Variants in TTC28 observed in about 807,000 individuals in gnomAD.
TTC28 encodes the protein tetratricopeptide repeat domain 28.
TTC28 carries 61 observed loss-of-function variants against 198.0 expected under a neutral mutation model. That is an observed-to-expected ratio of 0.31 (90% CI 0.25 to 0.38). The LOEUF (loss-of-function observed/expected upper bound fraction) is 0.38. TTC28 is among the 10% of genes least tolerant of loss of function. The pLI is 1.00. For missense variants in TTC28, 2,678 were observed against 3,164.0 expected (o/e 0.85, Z 3.69); for synonymous variants, 1,171 against 1,297.8 (o/e 0.90, Z 2.10).
chr22:28,362,698 G>A (rs927290915), intron 2 of TTC28, among the ~76,000 whole-genome samples: 9 of 152,190 alleles, frequency 5.9e-5, no homozygotes, highest in Non-Finnish European at 1.2e-4. Flanking sequence ...GGTGGTCTCA[G>A]ATGGAGATGG....
intron 2 of TTC28, among the ~76,000 whole-genome samples, chr22:28,312,014 T>C (rs1379859110): frequency 6.8e-6 from 1 of 147,332 alleles, no homozygotes; most frequent in Non-Finnish European, 1.5e-5. Context: ...TGGAGGAAGA[T>C]CTACCAAGCA....
At chr22:28,370,773 G>T (rs1041975009) in intron 2 of TTC28, among the ~76,000 whole-genome samples, 9 of 152,302 alleles carry the variant, frequency 5.9e-5, no homozygotes, top group Admixed American at 3.3e-4. Flanking sequence ...GAGAACTATA[G>T]AGAGAGAAGG....
At chr22:28,592,642 C>T (rs1367904567) in intron 2 of TTC28, among the ~76,000 whole-genome samples, 1 of 152,158 alleles carries the variant, frequency 6.6e-6, no homozygotes, top group East Asian at 1.9e-4. Flanking sequence ...CCATTTCAAA[C>T]CCAGATTTTT....
intron 12 of TTC28, among the ~76,000 whole-genome samples, chr22:28,066,807 G>A (rs1350933391): frequency 6.6e-6 from 1 of 152,040 alleles, no homozygotes; most frequent in Non-Finnish European, 1.5e-5. Flanking sequence ...GGCCTCCTGG[G>A]GTCTGTCGCC....
At chr22:28,187,832 T>C (rs890375060) in intron 5 of TTC28, among the ~76,000 whole-genome samples, 1 of 152,218 alleles carries the variant, frequency 6.6e-6, no homozygotes, top group African/African-American at 2.4e-5. Flanking sequence ...CAATGCCCAC[T>C]GGGAATGCTA....
chr22:28,129,518 GTGA>G (rs936422626), intron 6 of TTC28, among the ~76,000 whole-genome samples: 2 of 152,212 alleles, frequency 1.3e-5, no homozygotes, highest in African/African-American at 4.8e-5. Context: ...TCCTGGCTGT[GTGA>G]TCTTAAGCAA....
chr22:27,983,052 G>A lies in TTC28; in HGVS notation c.6615C>T (p.Val2205=), dbSNP rs147787655. Residue 2205 remains valine (V), a synonymous_variant, in exon 23 of 23, where the codon GTC becomes GTT. Coordinates refer to ENST00000397906, the MANE Select transcript of TTC28 (RefSeq NM_001145418.2). The stretch of plus-strand genomic sequence containing the variant: ...ACGCACTGGTTTCTGACGCTCTGAA[G>A]ACAGCAGTGCTGCTGGGCGCCTGAA... ...DGVQAPSSTA[V]FRASETSAFS... is the part of the protein sequence containing the mutation. 40 of 1,551,722 alleles carry A rather than the reference G, an allele frequency of 2.6e-5. No individual in the cohort carries two copies. Among genetic ancestry groups the A allele is most frequent in the African/African-American group, 4.1e-5 (3 of 73,174 alleles).
At chr22:28,341,198 C>G (rs1464681792) in intron 2 of TTC28, among the ~76,000 whole-genome samples, 4 of 152,094 alleles carry the variant, frequency 2.6e-5, no homozygotes, top group African/African-American at 9.7e-5. Context: ...GAATTGTGGG[C>G]AATTGGAGAC....
intron 2 of TTC28, among the ~76,000 whole-genome samples, chr22:28,551,695 C>T (rs552807866): frequency 9.9e-5 from 15 of 152,126 alleles, no homozygotes; most frequent in African/African-American, 3.6e-4. Context: ...TGACTAAAAC[C>T]CTCAGCAAAA....
chr22:28,439,550 C>T (rs1203421160), intron 2 of TTC28, among the ~76,000 whole-genome samples: 1 of 152,174 alleles, frequency 6.6e-6, no homozygotes, highest in East Asian at 1.9e-4. Context: ...TAGCTGTGAT[C>T]CTACCATGCT....
intron 6 of TTC28, among the ~76,000 whole-genome samples, chr22:28,122,632 T>G (rs1052713238): frequency 6.6e-6 from 1 of 152,202 alleles, no homozygotes; most frequent in Non-Finnish European, 1.5e-5. Flanking sequence ...TTATATGCAC[T>G]GATTTCAAAA....
At chr22:28,579,350 C>T (rs1030972276) in intron 2 of TTC28, among the ~76,000 whole-genome samples, 1 of 148,714 alleles carries the variant, frequency 6.7e-6, no homozygotes, top group Non-Finnish European at 1.5e-5. Flanking sequence ...TAGCTATATA[C>T]ATAACTATAC....
At chr22:28,390,262 A>C (rs895103396) in intron 2 of TTC28, among the ~76,000 whole-genome samples, 12 of 152,016 alleles carry the variant, frequency 7.9e-5, no homozygotes, top group African/African-American at 2.9e-4. Flanking sequence ...TTTACTTCCA[A>C]GTATGTGGTC....
At chr22:28,054,518 G>A (rs1440281040) in intron 12 of TTC28, among the ~76,000 whole-genome samples, 1 of 152,138 alleles carries the variant, frequency 6.6e-6, no homozygotes, top group South Asian at 2.1e-4. Flanking sequence ...AAAAATCAAG[G>A]ATAAGAGAGG....
chr22:28,391,118 T>C (rs1003640437), intron 2 of TTC28, among the ~76,000 whole-genome samples: 15 of 152,140 alleles, frequency 9.9e-5, no homozygotes, highest in Non-Finnish European at 1.8e-4. Flanking sequence ...TTTGGCTGGA[T>C]ATGAAATTCT....
intron 5 of TTC28, among the ~76,000 whole-genome samples, chr22:28,221,565 AAC>A (rs1927870226): frequency 6.6e-6 from 1 of 152,108 alleles, no homozygotes. Flanking sequence ...ACCCCATGAT[AAC>A]ACAGCCTCAG....
rs1053139903 is a variant in TTC28, at chr22:28,604,297, T to TACATATATATATATATATATATA, written c.381+25254_381+25255insTATATATATATATATATATATGT. Among the ~76,000 whole-genome samples, 48 of 114,126 alleles carry TACATATATATATATATATATATA rather than the reference T, an allele frequency of 4.2e-4. 2 individuals are homozygous for TACATATATATATATATATATATA. Among genetic ancestry groups the TACATATATATATATATATATATA allele is most frequent in the African/African-American group, 1.6e-3 (47 of 28,542 alleles). The allele number at this position is 114,126 out of a possible 152,430, so 74.9% of individuals were successfully genotyped here. ...AGTCTTAAACAGAAAAAAAAAAAAATTATATATATATATATATATATATAT... is the reference window on the plus strand; with the variant it reads ...AGTCTTAAACAGAAAAAAAAAAAAATACATATATATATATATATATATATATATATATATATATATATATATAT... On this transcript the variant is annotated intron_variant, in intron 2 of 22. Transcript: ENST00000397906.
In TTC28 at chr22:28,107,580, A is replaced by G; in HGVS notation, c.2265T>C (p.Ser755=). 1 of 1,551,752 alleles carries G rather than the reference A, an allele frequency of 6.4e-7. No homozygotes were observed. Among genetic ancestry groups the G allele is most frequent in the Non-Finnish European group, 8.7e-7 (1 of 1,147,010 alleles). The change falls in exon 7 of 23, where the codon AGT becomes AGC. Residue 755 remains serine, a synonymous_variant. Coordinates refer to ENST00000397906, the MANE Select transcript of TTC28 (RefSeq NM_001145418.2). Reference sequence around the variant, plus strand: ...ATGCAGTGCCCAGGGCTGCATATGCACTGGCTTCTAATCTTCTGTCCTTTA... The same window carrying G: ...ATGCAGTGCCCAGGGCTGCATATGCGCTGGCTTCTAATCTTCTGTCCTTTA... ...HQVKDRRLEA[S]AYAALGTAYR...
intron 1 of TTC28, among the ~76,000 whole-genome samples, chr22:28,676,220 C>T (rs1324712638): frequency 1.3e-5 from 2 of 152,082 alleles, no homozygotes; most frequent in East Asian, 3.8e-4. Flanking sequence ...CATGGATAAA[C>T]CTTGAAAACA....
Sources: gnomAD v4.1 joint callset for allele counts (sites outside exome capture counted in the v4.1 genomes callset) on GRCh38, gnomAD v4.1.1 for gene constraint, MANE v1.5 for transcripts, NCBI Gene and HGNC (gene_info 2026-07-23, HGNC 2026-07-21) for gene names.